Variants in MAML3 observed in about 807,000 individuals in gnomAD.
MAML3 encodes the protein mastermind like transcriptional coactivator 3.
MAML3 carries 27 observed loss-of-function variants against 101.9 expected under a neutral mutation model. The ratio of observed to expected loss-of-function variants is 0.27; its 90% confidence interval spans 0.20 to 0.37. MAML3 has a LOEUF of 0.37. Ranked by LOEUF, MAML3 falls within the 10% of genes least tolerant of loss-of-function variation. The probability of loss-of-function intolerance (pLI) is 1.00; values close to 1 mark genes in which losing one functional copy is unlikely to be tolerated. For missense variants in MAML3, 1,316 were observed against 1,444.9 expected (o/e 0.91, Z 1.45); for synonymous variants, 501 against 555.9 (o/e 0.90, Z 1.39).
intron 1 of MAML3, among the ~76,000 whole-genome samples, chr4:139,996,159 T>C (rs1030687548): frequency 7.2e-5 from 11 of 152,210 alleles, no homozygotes; most frequent in African/African-American, 2.7e-4. Flanking sequence ...ACTTGTTTTA[T>C]GGCCTAGCAT....
At chr4:139,946,627 T>C in intron 1 of MAML3, among the ~76,000 whole-genome samples, 1 of 152,294 alleles carries the variant, frequency 6.6e-6, no homozygotes, top group East Asian at 1.9e-4. Context: ...TCCAGAAGAA[T>C]AATTTGTGCA....
At chr4:140,001,514 TG>T (rs1335968512) in intron 1 of MAML3, among the ~76,000 whole-genome samples, 1 of 152,208 alleles carries the variant, frequency 6.6e-6, no homozygotes, top group African/African-American at 2.4e-5. Flanking sequence ...GACACCGAGC[TG>T]GCCCTGTCCT....
At chr4:139,758,926 G>A (rs780674159) in intron 2 of MAML3, among the ~76,000 whole-genome samples, 5 of 152,196 alleles carry the variant, frequency 3.3e-5, no homozygotes, top group Non-Finnish European at 5.9e-5. Context: ...TCTGGGCATC[G>A]TGGCACCTGA....
At chr4:140,077,466 A>G (rs1160905119) in intron 1 of MAML3, among the ~76,000 whole-genome samples, 2 of 152,142 alleles carry the variant, frequency 1.3e-5, no homozygotes, top group African/African-American at 4.8e-5. Flanking sequence ...CCCCCTTCTC[A>G]ATACAACATT....
chr4:140,010,809 C>T (rs1365944918), intron 1 of MAML3, among the ~76,000 whole-genome samples: 2 of 151,982 alleles, frequency 1.3e-5, no homozygotes, highest in Non-Finnish European at 2.9e-5. Flanking sequence ...TCCCATTAAA[C>T]AATATACATG....
At chr4:139,912,954 G>A (rs1732959993) in intron 1 of MAML3, among the ~76,000 whole-genome samples, 1 of 150,400 alleles carries the variant, frequency 6.6e-6, no homozygotes, top group Admixed American at 6.6e-5. Flanking sequence ...TATAGCCACA[G>A]GGCATGAATC....
Position 139,719,409 on chromosome 4 carries a change from C to T in MAML3, c.3331G>A (p.Gly1111Ser), listed in dbSNP as rs187513501. The T allele has an allele frequency of 8.7e-6, 14 of 1,613,896 alleles. No homozygotes were observed. Among genetic ancestry groups the T allele is most frequent in the East Asian group, 4.5e-5 (2 of 44,880 alleles). ...ATGATGGAGTCCACAAGGTCTGCAC[C>T]GTCCGGGAGGCCAGGGAAGGAACCC... ...AGGSFPGLPD[G>S]ADLVDSIIKG... Residue 1111 changes from glycine to serine, a missense_variant, in exon 5 of 5, where the codon GGT (glycine) becomes AGT (serine). Gly to Ser is a moderately conservative substitution (Grantham distance 56). Transcript: ENST00000509479.
chr4:139,726,473 T>C (rs1728476501), intron 3 of MAML3, among the ~76,000 whole-genome samples: 1 of 152,188 alleles, frequency 6.6e-6, no homozygotes, highest in Non-Finnish European at 1.5e-5. Flanking sequence ...GAATGCGTGC[T>C]GAGGGAAGGG....
At chr4:139,738,212 G>C (rs546015807) in intron 2 of MAML3, among the ~76,000 whole-genome samples, 1 of 152,324 alleles carries the variant, frequency 6.6e-6, no homozygotes, top group African/African-American at 2.4e-5. Flanking sequence ...TGTGTTTCTG[G>C]TGCTAGCTTT....
chr4:140,070,491 A>G (rs1029213862), intron 1 of MAML3, among the ~76,000 whole-genome samples: 6 of 152,226 alleles, frequency 3.9e-5, no homozygotes, highest in Non-Finnish European at 7.3e-5. Flanking sequence ...GAAGAACAAA[A>G]AGAGAAAAGC....
At chr4:140,065,883 A>T (rs571853724) in intron 1 of MAML3, among the ~76,000 whole-genome samples, 1 of 152,270 alleles carries the variant, frequency 6.6e-6, no homozygotes, top group East Asian at 1.9e-4. Flanking sequence ...ATACCACAGC[A>T]CCGCTCCTGG....
chr4:139,796,231 C>G lies in MAML3; in HGVS notation c.2080-65564G>C, dbSNP rs77051722. The stretch of plus-strand genomic sequence containing the variant: ...GATGACTATTATGAGGCTTTAGGAA[C>G]TGCTGATATCTACTAGGGCTTTATA... On this transcript the variant is annotated intron_variant, in intron 2 of 4. Coordinates refer to ENST00000509479, the MANE Select transcript of MAML3 (RefSeq NM_018717.5). Among the ~76,000 whole-genome samples the G allele has an allele frequency of 2.3e-3, 354 of 152,280 alleles. 2 individuals are homozygous for G. The highest frequency in any genetic ancestry group is 0.012 in the South Asian group (57 of 4,828).
chr4:139,900,494 A>C (rs991966898), intron 1 of MAML3, among the ~76,000 whole-genome samples: 3 of 152,152 alleles, frequency 2.0e-5, no homozygotes, highest in African/African-American at 7.2e-5. Context: ...CAAATCTCCA[A>C]ATTTCCAAAT....
At chr4:139,825,481 G>A (rs757825588) in intron 2 of MAML3, among the ~76,000 whole-genome samples, 43 of 152,218 alleles carry the variant, frequency 2.8e-4, no homozygotes, top group Admixed American at 1.5e-3. Flanking sequence ...AGATAGTCCC[G>A]TCTATCATGC....
chr4:139,955,006 A>C (rs184737718), intron 1 of MAML3, among the ~76,000 whole-genome samples: 1 of 152,296 alleles, frequency 6.6e-6, no homozygotes, highest in African/African-American at 2.4e-5. Flanking sequence ...TTTTAAAAGC[A>C]GGAGAAATGT....
chr4:139,997,118 AT>A (rs948167686), intron 1 of MAML3, among the ~76,000 whole-genome samples: 19 of 148,472 alleles, frequency 1.3e-4, no homozygotes, highest in African/African-American at 4.2e-4. Flanking sequence ...TCTCAAAAAA[AT>A]ATTTATATAT....
intron 1 of MAML3, among the ~76,000 whole-genome samples, chr4:140,041,807 T>C (rs1233456978): frequency 6.6e-6 from 1 of 152,048 alleles, no homozygotes. Context: ...CAATGATAAA[T>C]ACAAAGAAAA....
chr4:139,845,544 A>G (rs188325587), intron 2 of MAML3, among the ~76,000 whole-genome samples: 1 of 152,342 alleles, frequency 6.6e-6, no homozygotes, highest in Non-Finnish European at 1.5e-5. Flanking sequence ...TGATTGTACT[A>G]AGATCTCACA....
At chr4:140,077,458 C>T (rs1727789181) in intron 1 of MAML3, among the ~76,000 whole-genome samples, 1 of 152,116 alleles carries the variant, frequency 6.6e-6, no homozygotes, top group African/African-American at 2.4e-5. Context: ...TCACGTTGCC[C>T]CCTTCTCAAT....
Sources: gnomAD v4.1 joint callset for allele counts (sites outside exome capture counted in the v4.1 genomes callset) on GRCh38, gnomAD v4.1.1 for gene constraint, MANE v1.5 for transcripts, NCBI Gene and HGNC (gene_info 2026-07-23, HGNC 2026-07-21) for gene names.